NCAPD2: variants seen among roughly 807,000 people sequenced by gnomAD.
The protein encoded by NCAPD2 is non-SMC condensin I complex subunit D2.
In NCAPD2, 100 loss-of-function variants were observed where a neutral mutation model predicts 164.5. The ratio of observed to expected loss-of-function variants is 0.61; its 90% CI spans 0.52 to 0.72. The LOEUF (loss-of-function observed/expected upper bound fraction) is 0.72, where lower values mean the gene tolerates loss of function less well. Among genes scored for constraint, NCAPD2 ranks in the 30% least tolerant of loss-of-function variants. NCAPD2 has a pLI of 0.00. For synonymous variants in NCAPD2, 585 were observed against 642.6 expected, an observed-to-expected ratio of 0.91 and a Z score of 1.36; for missense variants, 1,560 against 1,749.2, an observed-to-expected ratio of 0.89 and a Z score of 1.93.
At chr12:6,497,391 C>A (rs1945994155) in intron 2 of NCAPD2, among the ~76,000 whole-genome samples, 1 of 151,872 alleles carries the variant, frequency 6.6e-6, no homozygotes, top group African/African-American at 2.4e-5. Context: ...ACCTATCAAC[C>A]CATCACCTGG....
At chr12:6,524,695 G>C (rs1194317715) in intron 17 of NCAPD2, among the ~76,000 whole-genome samples, 3 of 150,420 alleles carry the variant, frequency 2.0e-5, no homozygotes, top group African/African-American at 4.9e-5. Flanking sequence ...ATAAAGTTGT[G>C]AATGTAGGTT....
In NCAPD2 at chr12:6,526,348, G is replaced by A. The variant is rs780760183; in HGVS notation, c.2543G>A (p.Arg848Gln). 11 of 1,614,038 alleles carry A rather than the reference G, an allele frequency of 6.8e-6. No individual in the cohort carries two copies. The highest frequency in any genetic ancestry group is 2.2e-5 in the South Asian group (2 of 91,084). ...CCTCAGGAACACAGGTTGTTTGAGC[G>A]ACTGCGGGAGACAGTCACAAAAGGT... Reference protein sequence around the residue: ...RLPQEHRLFERLRETVTKGFV... With the variant: ...RLPQEHRLFEQLRETVTKGFV... Residue 848 changes from arginine (R) to glutamine (Q), a missense_variant, in exon 20 of 32, where the codon CGA becomes CAA. Physicochemically the swap from Arg to Gln is conservative, Grantham distance 43. Coordinates refer to ENST00000315579, the MANE Select transcript of NCAPD2 (RefSeq NM_014865.4).
chr12:6,505,233 ATT>A (rs1946088454), intron 2 of NCAPD2, among the ~76,000 whole-genome samples: 1 of 151,976 alleles, frequency 6.6e-6, no homozygotes, highest in Non-Finnish European at 1.5e-5. Context: ...TGCCTGGCTA[ATT>A]TTGTATCTTT....
At chr12:6,525,459 T>C in intron 17 of NCAPD2, 124 bp from the exon 18 acceptor site, 2 of 1,183,072 alleles carry the variant, frequency 1.7e-6, no homozygotes, top group Middle Eastern at 2.0e-4. Flanking sequence ...CCTCCTCTTT[T>C]CTTTTTCTCT....
chr12:6,502,150 C>T (rs935199626), intron 2 of NCAPD2, among the ~76,000 whole-genome samples: 15 of 151,868 alleles, frequency 9.9e-5, no homozygotes, highest in Admixed American at 7.2e-4. Flanking sequence ...TAAGAGAGTA[C>T]GTGATCTGGT....
chr12:6,511,058 G>T, intron 5 of NCAPD2, 52 bp from the exon 6 acceptor site: 1 of 1,594,452 alleles, frequency 6.3e-7, no homozygotes, highest in South Asian at 1.1e-5. Context: ...GACAGATCTT[G>T]ACCCACTTTT....
intron 29 of NCAPD2, among the ~76,000 whole-genome samples, 167 bp downstream of exon 29, chr12:6,530,125 G>C (rs78618951): frequency 1.3e-5 from 2 of 152,206 alleles, no homozygotes. Flanking sequence ...TTTGTCTCCA[G>C]TTCTTTTTTT....
chr12:6,505,151 C>T (rs1946087545), intron 2 of NCAPD2, among the ~76,000 whole-genome samples: 2 of 152,120 alleles, frequency 1.3e-5, no homozygotes, highest in East Asian at 1.9e-4. Context: ...CTGGAACCTC[C>T]GCCTCCCCGG....
At chr12:6,527,737 GTC>G (rs1946329716) in intron 22 of NCAPD2, 38 bp from the exon 23 acceptor site, 1 of 1,562,190 alleles carries the variant, frequency 6.4e-7, no homozygotes, top group Non-Finnish European at 8.7e-7. Context: ...CAAAAATGTT[GTC>G]TCTGCTTATC....
chr12:6,504,453 C>T lies in NCAPD2; in HGVS notation c.128-5264C>T, dbSNP rs111915073. Among the ~76,000 whole-genome samples the T allele has an allele frequency of 5.6e-3, 847 of 151,768 alleles. 12 individuals carry two copies. Among genetic ancestry groups the T allele is most frequent in the African/African-American group, 0.02 (809 of 41,400 alleles). ...TGTGGCCCAGGATGGAGTGTGGTGG[C>T]GCGATCTCGGCTCACTGCAACCTCC... On this transcript the variant is annotated intron_variant, in intron 2 of 31. Coordinates refer to ENST00000315579, the MANE Select transcript of NCAPD2 (RefSeq NM_014865.4).
At chr12:6,504,210 T>TATATATATACAC (rs1946074642) in intron 2 of NCAPD2, among the ~76,000 whole-genome samples, 1 of 22,124 alleles carries the variant, frequency 4.5e-5, no homozygotes, top group Non-Finnish European at 7.0e-5. Context: ...TATATATATA[T>TATATATATACAC]ATATATAGAT....
intron 2 of NCAPD2, among the ~76,000 whole-genome samples, chr12:6,496,304 C>T (rs1044927978): frequency 2.0e-5 from 3 of 152,156 alleles, no homozygotes; most frequent in Non-Finnish European, 4.4e-5. Context: ...ACATGATCCA[C>T]CCACCTTGGC....
chr12:6,519,444 C>T (rs1173613316), intron 13 of NCAPD2, among the ~76,000 whole-genome samples: 1 of 152,136 alleles, frequency 6.6e-6, no homozygotes, highest in Non-Finnish European at 1.5e-5. Context: ...TCACTGTAGC[C>T]TCAACCCTGC....
chr12:6,529,921 T>G lies in NCAPD2; in HGVS notation c.3800T>G (p.Val1267Gly), dbSNP rs137981914. 44 of 1,614,076 alleles carry G rather than the reference T, an allele frequency of 2.7e-5. No individual in the cohort carries two copies. The highest frequency in any genetic ancestry group is 5.9e-6 in the Non-Finnish European group (7 of 1,180,026). Residue 1267 changes from valine to glycine, a missense_variant, in exon 29 of 32, where the codon GTA becomes GGA. By Grantham distance (109) the Val-to-Gly change is moderately radical. Coordinates refer to ENST00000315579, the MANE Select transcript of NCAPD2 (RefSeq NM_014865.4). ...ATCTTCAGTGCTTTTTTGTCAGTTG[T>G]AGGCAAGCTGCGACGTGGGGCCAAG... Reference protein sequence around the residue: ...ESIFSAFLSVVGKLRRGAKPE... With the variant: ...ESIFSAFLSVGGKLRRGAKPE...
At chr12:6,530,666 T>A in intron 29 of NCAPD2, 25 bp from the exon 30 acceptor site, 1 of 1,613,700 alleles carries the variant, frequency 6.2e-7, no homozygotes, top group South Asian at 1.1e-5. Context: ...TCAGGCCTGC[T>A]CTGAATCTCC....
chr12:6,505,436 A>C (rs1946090603), intron 2 of NCAPD2, among the ~76,000 whole-genome samples: 1 of 152,220 alleles, frequency 6.6e-6, no homozygotes, highest in Admixed American at 6.5e-5. Context: ...GTTTTTAAGC[A>C]GATACTTGCA....
chr12:6,531,237 G>A lies in NCAPD2; in HGVS notation c.4121-90G>A, dbSNP rs1946370282. The A allele has an allele frequency of 1.3e-6, 2 of 1,488,502 alleles. No homozygotes were observed. Among genetic ancestry groups the A allele is most frequent in the Non-Finnish European group, 1.9e-6 (2 of 1,079,962 alleles). 92.2% of individuals were successfully genotyped at this position (1,488,502 alleles called of 1,614,324 possible). A position where few individuals can be genotyped will look rare whatever the true frequency, so the allele number is the denominator to read the frequency against. ...GCTTGGATTTTATTTCTTCTGTGCGGTGTGGGATTGTCTCACTTGTTCTCT... is the reference window on the plus strand; with the variant it reads ...GCTTGGATTTTATTTCTTCTGTGCGATGTGGGATTGTCTCACTTGTTCTCT... On this transcript the variant is annotated intron_variant, in intron 31 of 31. Coordinates refer to ENST00000315579, the MANE Select transcript of NCAPD2 (RefSeq NM_014865.4). This position sits in a 1 kb window ranked among gnomAD's most constrained non-coding sequence, Gnocchi z 4.1.
Position 6,528,504 on chromosome 12 carries a change from C to A in NCAPD2, c.3300-175C>A, listed in dbSNP as rs950920325. 1.8e-6 allele frequency: 2 copies of A among 1,131,292 alleles called. No homozygotes were observed. Among genetic ancestry groups the A allele is most frequent in the African/African-American group, 1.6e-5 (1 of 64,214 alleles). 70.1% of individuals were successfully genotyped at this position (1,131,292 alleles called of 1,614,324 possible). On this transcript the variant is annotated intron_variant, in intron 25 of 31. Coordinates refer to ENST00000315579, the MANE Select transcript of NCAPD2 (RefSeq NM_014865.4). This position sits in a 1 kb window ranked among gnomAD's most constrained non-coding sequence, Gnocchi z 5.1. ...AGTCACCCCAGTGGGACTGACACTT[C>A]TGGTTAGAAGCTTCACCTCTTTCCC... is the stretch of plus-strand genomic sequence containing the variant.
rs777908918 is a variant in NCAPD2 at position 6,527,881 on chromosome 12, G to A, written c.3012G>A (p.Leu1004=). 5 of 1,613,750 alleles carry A rather than the reference G, an allele frequency of 3.1e-6. No homozygotes were observed. Among genetic ancestry groups the A allele is most frequent in the Non-Finnish European group, 4.2e-6 (5 of 1,179,614 alleles). The change falls in exon 23 of 32, where the codon CTG becomes CTA. Residue 1004 remains leucine, a synonymous_variant. Coordinates refer to ENST00000315579, the MANE Select transcript of NCAPD2 (RefSeq NM_014865.4). The stretch of plus-strand genomic sequence containing the variant: ...TCCGTGGCATCTGCGAGATGGAACT[G>A]TTGGATGGTAAGAAAAATGGCTGCA... ...ELIRGICEME[L]LDGKQTLAAF...
Sources: gnomAD v4.1 joint callset for allele counts (sites outside exome capture counted in the v4.1 genomes callset) on GRCh38, gnomAD v4.1.1 for gene constraint, Gnocchi (gnomAD v3.1) non-coding constraint, MANE v1.5 for transcripts, NCBI Gene and HGNC (gene_info 2026-07-23, HGNC 2026-07-21) for gene names.